The following TM9SF2 variants were observed in gnomAD, a reference collection of about 807,000 sequenced individuals.
TM9SF2 encodes 76 kDa membrane protein.
Under a neutral mutation model 84.9 loss-of-function variants are expected in TM9SF2, and 13 were observed. The observed-to-expected ratio is 0.15, with a 90% CI of 0.10 to 0.24. The LOEUF is 0.24. Ranked by LOEUF, TM9SF2 falls within the 10% of genes least tolerant of loss-of-function variation. The pLI is 1.00. For missense variants in TM9SF2, 562 were observed against 818.5 expected, an observed-to-expected ratio of 0.69 and a Z score of 3.82; for synonymous variants, 273 against 285.8, an observed-to-expected ratio of 0.96 and a Z score of 0.45.
chr13:99,548,167 G>A (rs1204607257), intron 11 of TM9SF2, among the ~76,000 whole-genome samples: 4 of 151,966 alleles, frequency 2.6e-5, no homozygotes, highest in East Asian at 1.9e-4. Flanking sequence ...GCTTTCTGTC[G>A]GTTCCTCGGA....
At chr13:99,554,239 G>C (rs1197636386) in intron 13 of TM9SF2, 65 bp from the exon 14 acceptor site, 1 of 1,551,078 alleles carries the variant, frequency 6.4e-7, no homozygotes. Flanking sequence ...AAATAATCTC[G>C]TGTAGAGAAG....
intron 10 of TM9SF2, among the ~76,000 whole-genome samples, chr13:99,545,533 C>T (rs1170473814): frequency 2.0e-5 from 3 of 151,716 alleles, no homozygotes; most frequent in African/African-American, 7.3e-5. Flanking sequence ...AGACTTAGAG[C>T]AGAATGAATG....
chr13:99,527,899 G>A (rs1594051518), intron 3 of TM9SF2, among the ~76,000 whole-genome samples: 1 of 152,174 alleles, frequency 6.6e-6, no homozygotes, highest in Admixed American at 6.5e-5. Context: ...CTGAGGCAGG[G>A]TTACGCAGCT....
intron 11 of TM9SF2, among the ~76,000 whole-genome samples, chr13:99,547,408 A>C (rs560963442): frequency 9.8e-5 from 15 of 152,326 alleles, no homozygotes; most frequent in African/African-American, 3.6e-4. Flanking sequence ...TGCTGTGTTC[A>C]TAGAAGCACA....
chr13:99,531,763 C>T (rs75102635), intron 4 of TM9SF2, among the ~76,000 whole-genome samples: 2,219 of 152,260 alleles, frequency 0.015, 54 homozygotes, highest in African/African-American at 0.051. Context: ...CTTTGTCTCC[C>T]CATTTCTTTC....
rs372581160 is a variant in TM9SF2, at chr13:99,553,305, C to T, written c.1488+979C>T. Among the ~76,000 whole-genome samples, 12 of 152,354 alleles carry T rather than the reference C, an allele frequency of 7.9e-5. No homozygotes were observed. In the East Asian group the frequency reaches 2.1e-3, roughly 27 times the overall value. ...GCAGAAGCTGGCACTGTTCCACAGCCTCCACTGCACTTTCATGCCTGGCTG... is the reference window on the plus strand; with the variant it reads ...GCAGAAGCTGGCACTGTTCCACAGCTTCCACTGCACTTTCATGCCTGGCTG... On this transcript the variant is annotated intron_variant, in intron 13 of 16. Transcript: ENST00000376387.
intron 3 of TM9SF2, among the ~76,000 whole-genome samples, chr13:99,528,619 T>C (rs1284588668): frequency 1.3e-5 from 2 of 152,228 alleles, no homozygotes; most frequent in East Asian, 3.8e-4. Context: ...TATACTTTTT[T>C]GTTTTTCCAT....
chr13:99,505,795 A>G (rs1221420103), intron 1 of TM9SF2, among the ~76,000 whole-genome samples: 1 of 152,196 alleles, frequency 6.6e-6, no homozygotes, highest in Non-Finnish European at 1.5e-5. Context: ...TCTGATGGCT[A>G]AGAGGTGAAG....
chr13:99,536,689 C>CT lies in TM9SF2; in HGVS notation c.544dup (p.Cys182LeufsTer6). On this transcript the variant is annotated frameshift_variant, in exon 5 of 17. Coordinates refer to ENST00000376387, the MANE Select transcript of TM9SF2 (RefSeq NM_004800.3). LOFTEE classifies it high-confidence loss of function. ...TCTGTAATCCTGGATTTCCTATTGG[C>CT]TGTTACATTACAGATAAAGGCCATG... 6.2e-7 allele frequency: 1 copy of CT among 1,613,674 alleles called. No individual in the cohort carries two copies. Among genetic ancestry groups the CT allele is most frequent in the Non-Finnish European group, 8.5e-7 (1 of 1,179,724 alleles).
Position 99,554,329 on chromosome 13 carries a change from A to G in TM9SF2, c.1514A>G (p.Asn505Ser), listed in dbSNP as rs745320016. ...KNAIEHPVRTNQIPRQIPEQS... is the reference protein window; with the variant it reads ...KNAIEHPVRTSQIPRQIPEQS... Reference sequence around the variant, plus strand: ...GCCATTGAACACCCAGTTCGAACCAATCAGATTCCACGTCAGATTCCTGAA... The same window carrying G: ...GCCATTGAACACCCAGTTCGAACCAGTCAGATTCCACGTCAGATTCCTGAA... The change falls in exon 14 of 17, where the codon AAT becomes AGT. Residue 505 changes from asparagine (N) to serine (S), a missense_variant. By Grantham distance (46) the Asn-to-Ser change is conservative. This residue lies in a region of TM9SF2 where 219 missense variants were observed against 338.1 expected (regional missense o/e 0.65). Transcript: ENST00000376387. 4 of 1,613,926 alleles carry G rather than the reference A, an allele frequency of 2.5e-6. No homozygotes were observed. The highest frequency in any genetic ancestry group is 3.4e-6 in the Non-Finnish European group (4 of 1,179,918).
intron 12 of TM9SF2, 69 bp from the exon 13 acceptor site, chr13:99,552,098 T>G (rs1444672241): frequency 1.7e-5 from 24 of 1,399,748 alleles, no homozygotes; most frequent in Non-Finnish European, 1.2e-5. Flanking sequence ...GAAGTTGTCA[T>G]ATTAATTACA....
At position 99,562,845 on chromosome 13, in the gene TM9SF2, C is replaced by T; in HGVS notation, c.*87C>T. 2.3e-6 allele frequency: 3 copies of T among 1,295,178 alleles called. No individual in the cohort carries two copies. Among genetic ancestry groups the T allele is most frequent in the Non-Finnish European group, 2.2e-6 (2 of 909,524 alleles). 80.2% of individuals were successfully genotyped at this position (1,295,178 alleles called of 1,614,324 possible). A position where few individuals can be genotyped will look rare whatever the true frequency, so the allele number is the denominator to read the frequency against. ...TTTTTGTGACTGCCTTGAGTTTTATCAGAATTATTGGCCTAGTAATCCTTC... is the reference window on the plus strand; with the variant it reads ...TTTTTGTGACTGCCTTGAGTTTTATTAGAATTATTGGCCTAGTAATCCTTC... On this transcript the variant is annotated 3_prime_UTR_variant, in exon 17 of 17. Transcript: ENST00000376387.
At chr13:99,517,097 G>A (rs1352633020) in intron 1 of TM9SF2, among the ~76,000 whole-genome samples, 2 of 151,764 alleles carry the variant, frequency 1.3e-5, no homozygotes, top group African/African-American at 4.9e-5. Flanking sequence ...AAAATTATTT[G>A]TGTATTTTTA....
chr13:99,524,764 T>C (rs1404581137), intron 3 of TM9SF2, among the ~76,000 whole-genome samples: 2 of 151,848 alleles, frequency 1.3e-5, no homozygotes, highest in African/African-American at 4.8e-5. Context: ...GGTTTTACCA[T>C]GTTGGTCAGG....
chr13:99,550,569 GGGTGTTTACCAGCA>G (rs2046301644), intron 12 of TM9SF2, among the ~76,000 whole-genome samples: 1 of 152,084 alleles, frequency 6.6e-6, no homozygotes, highest in African/African-American at 2.4e-5. Flanking sequence ...TCTTAACAGT[GGGTGTTTACCAGCA>G]GGTAAATAGA....
intron 13 of TM9SF2, among the ~76,000 whole-genome samples, chr13:99,553,754 C>G (rs1283215472): frequency 6.6e-6 from 1 of 152,110 alleles, no homozygotes; most frequent in Non-Finnish European, 1.5e-5. Flanking sequence ...ATTTTTATAC[C>G]GCCATGTAGT....
intron 3 of TM9SF2, among the ~76,000 whole-genome samples, chr13:99,520,759 G>A: frequency 6.6e-6 from 1 of 152,042 alleles, no homozygotes. Context: ...TAGTAGAGAT[G>A]GGGTTCCAAC....
At chr13:99,551,464 G>C (rs1047404741) in intron 12 of TM9SF2, among the ~76,000 whole-genome samples, 1 of 152,204 alleles carries the variant, frequency 6.6e-6, no homozygotes, top group African/African-American at 2.4e-5. Flanking sequence ...TGCACCAGGC[G>C]TAACTACTGT....
chr13:99,532,964 T>C (rs1328023640), intron 4 of TM9SF2, among the ~76,000 whole-genome samples: 1 of 152,220 alleles, frequency 6.6e-6, no homozygotes, highest in Non-Finnish European at 1.5e-5. Flanking sequence ...CAGTTCAGTA[T>C]ACATTTGGAA....
Sources: allele counts gnomAD v4.1 joint callset (sites outside exome capture counted in the v4.1 genomes callset), GRCh38; gene constraint gnomAD v4.1.1; regional missense constraint gnomAD v4.1.1; transcripts MANE v1.5; gene names NCBI Gene and HGNC (gene_info 2026-07-23, HGNC 2026-07-21).